Variants in PNKD observed in about 807,000 individuals in gnomAD.
PNKD encodes the protein probable thioesterase PNKD.
In PNKD, 36 loss-of-function variants were observed where a neutral mutation model predicts 45.3. That is an observed-to-expected ratio of 0.80 (90% CI 0.61 to 1.05). The LOEUF (loss-of-function observed/expected upper bound fraction) is 1.05, where lower values mean the gene tolerates loss of function less well. Among genes scored for constraint, PNKD ranks in the 50% least tolerant of loss-of-function variants. The pLI, the probability that PNKD is intolerant of heterozygous loss-of-function variation, is 0.00. For synonymous variants in PNKD, 197 were observed against 210.1 expected, an observed-to-expected ratio of 0.94 and a Z score of 0.54; for missense variants, 511 against 506.6, an observed-to-expected ratio of 1.01 and a Z score of -0.08.
At chr2:218,273,217 T>TG (rs1368539117) in intron 2 of PNKD, among the ~76,000 whole-genome samples, 1 of 152,244 alleles carries the variant, frequency 6.6e-6, no homozygotes, top group Admixed American at 6.5e-5. Context: ...GCACTGCTCT[T>TG]TACTGAGTCC....
chr2:218,275,280 C>T, intron 2 of PNKD: 1 of 613,452 alleles, frequency 1.6e-6, no homozygotes, highest in South Asian at 3.2e-5. Context: ...ACAGTTAGTC[C>T]CTAGCTCCTC....
chr2:218,273,973 A>G (rs893558345), intron 2 of PNKD, among the ~76,000 whole-genome samples: 2 of 152,220 alleles, frequency 1.3e-5, no homozygotes, highest in East Asian at 1.9e-4. Context: ...ACTACAGCCA[A>G]GAGGTCTCTT....
At chr2:218,315,055 T>TC in intron 2 of PNKD, among the ~76,000 whole-genome samples, 1 of 99,892 alleles carries the variant, frequency 1.0e-5, no homozygotes, top group South Asian at 4.3e-4. Context: ...TCTTTCTTTC[T>TC]TTCTTCCTTC....
Position 218,343,527 on chromosome 2 carries a change from C to T in PNKD, c.809C>T (p.Thr270Ile), listed in dbSNP as rs1435357267. 12 of 1,613,674 alleles carry T rather than the reference C, an allele frequency of 7.4e-6. No homozygotes were observed. The highest frequency in any genetic ancestry group is 1.0e-5 in the Non-Finnish European group (12 of 1,179,808). The change falls in exon 8 of 10, where the codon ACC (threonine) becomes ATC (isoleucine). Residue 270 changes from threonine to isoleucine, a missense_variant. By Grantham distance (89) the Thr-to-Ile change is moderately conservative. Coordinates refer to ENST00000273077, the MANE Select transcript of PNKD (RefSeq NM_015488.5). ...CGRTFEGNAE[T>I]MLSSLDTVLG... ...CGGACCTTTGAGGGCAATGCAGAGA[C>T]CATGCTGAGCTCACTGGACACTGTG...
At chr2:218,320,850 G>T (rs1442492073) in intron 2 of PNKD, among the ~76,000 whole-genome samples, 1 of 152,212 alleles carries the variant, frequency 6.6e-6, no homozygotes, top group African/African-American at 2.4e-5. Flanking sequence ...TAAGGCATCA[G>T]CCTGGATGGG....
chr2:218,335,962 A>G (rs992480175), intron 2 of PNKD, among the ~76,000 whole-genome samples: 7 of 152,154 alleles, frequency 4.6e-5, no homozygotes, highest in Non-Finnish European at 8.8e-5. Context: ...CATGTCTGTA[A>G]TCCCAGCACT....
At chr2:218,311,269 C>T (rs1035929400) in intron 2 of PNKD, among the ~76,000 whole-genome samples, 6 of 152,172 alleles carry the variant, frequency 3.9e-5, no homozygotes, top group Admixed American at 3.9e-4. Context: ...CCAGCCCCTA[C>T]GCACCTGTGG....
intron 2 of PNKD, chr2:218,281,955 T>A: frequency 6.9e-6 from 11 of 1,598,944 alleles, no homozygotes; most frequent in Non-Finnish European, 9.4e-6. Flanking sequence ...TTCATGGGCA[T>A]CGGGTGGGTG....
At chr2:218,343,627 G>A (rs377728566) in intron 8 of PNKD, 41 bp downstream of exon 8, 297 of 1,483,548 alleles carry the variant, frequency 2.0e-4, no homozygotes, top group African/African-American at 3.9e-4. Flanking sequence ...CCAGCCCCAC[G>A]CTCAGCCTGG....
At position 218,326,134 on chromosome 2, in the gene PNKD, G is replaced by T. The variant is rs138242186; in HGVS notation, c.237-13649G>T. ...GCACATGCACTACCAACCTGAAGGTGTGGCTGGGAGGATCGCAAATAGAGG... is the reference window on the plus strand; with the variant it reads ...GCACATGCACTACCAACCTGAAGGTTTGGCTGGGAGGATCGCAAATAGAGG... On this transcript the variant is annotated intron_variant, in intron 2 of 9. Transcript: ENST00000273077. The surrounding 1 kb of genome is among the most constrained non-coding windows in gnomAD (Gnocchi z 4.1). Among the ~76,000 whole-genome samples the T allele has an allele frequency of 4.5e-3, 679 of 152,256 alleles. 7 individuals are homozygous for T. The highest frequency in any genetic ancestry group is 0.015 in the African/African-American group (634 of 41,540).
intron 2 of PNKD, among the ~76,000 whole-genome samples, chr2:218,332,751 C>T (rs1423784013): frequency 1.3e-5 from 2 of 152,022 alleles, no homozygotes; most frequent in Non-Finnish European, 2.9e-5. Flanking sequence ...TACCTCCTGC[C>T]CCTTTTCTCC....
intron 2 of PNKD, among the ~76,000 whole-genome samples, chr2:218,331,155 C>T (rs992641515): frequency 6.6e-6 from 1 of 152,184 alleles, no homozygotes; most frequent in Non-Finnish European, 1.5e-5. Context: ...TGGCTGATGC[C>T]TGTAATCCCA....
intron 2 of PNKD, among the ~76,000 whole-genome samples, chr2:218,305,101 G>A (rs924387163): frequency 1.3e-5 from 2 of 152,052 alleles, no homozygotes; most frequent in African/African-American, 4.8e-5. Flanking sequence ...AAAGTGGGGC[G>A]ACCATCACCT....
At chr2:218,280,084 T>C in intron 2 of PNKD, 1 of 1,614,084 alleles carries the variant, frequency 6.2e-7, no homozygotes, top group Non-Finnish European at 8.5e-7. Flanking sequence ...CCCGAAGCTA[T>C]CACTCACTGC....
chr2:218,272,975 G>T, intron 2 of PNKD: 1 of 1,399,414 alleles, frequency 7.1e-7, no homozygotes, highest in Non-Finnish European at 9.4e-7. Context: ...AGTCCCTTGG[G>T]ATGGGAGGGG....
At chr2:218,344,375 G>C in intron 8 of PNKD, 80 bp from the exon 9 acceptor site, 1 of 1,053,730 alleles carries the variant, frequency 9.5e-7, no homozygotes, top group Non-Finnish European at 1.4e-6. Flanking sequence ...CATCAGCCTG[G>C]ACCTGGGGCA....
intron 8 of PNKD, 117 bp downstream of exon 8, chr2:218,343,703 C>T (rs914228733): frequency 1.7e-5 from 13 of 755,260 alleles, no homozygotes; most frequent in Middle Eastern, 3.2e-4. Flanking sequence ...GGCCCAGAAG[C>T]GACACAGCTC....
At chr2:218,307,922 A>C (rs1693468400) in intron 2 of PNKD, among the ~76,000 whole-genome samples, 1 of 152,122 alleles carries the variant, frequency 6.6e-6, no homozygotes, top group Non-Finnish European at 1.5e-5. Context: ...AATGGGTTTG[A>C]CCTTCAAGGG....
At chr2:218,344,251 G>A (rs1004644084) in intron 8 of PNKD, among the ~76,000 whole-genome samples, 3 of 152,178 alleles carry the variant, frequency 2.0e-5, no homozygotes, top group African/African-American at 4.8e-5. Context: ...TTTTCCCCTG[G>A]AACTATTGCC....
Sources: allele counts gnomAD v4.1 joint callset (sites outside exome capture counted in the v4.1 genomes callset), GRCh38; gene constraint gnomAD v4.1.1; non-coding constraint Gnocchi (gnomAD v3.1); transcripts MANE v1.5; gene names NCBI Gene and HGNC (gene_info 2026-07-23, HGNC 2026-07-21).